Variants in OSBP2 observed in about 807,000 individuals in gnomAD.
OSBP2 encodes oxysterol binding protein 2, also known as oxysterol-binding protein 2.
OSBP2 carries 66 observed loss-of-function variants against 96.0 expected under a neutral mutation model. The ratio of observed to expected loss-of-function variants is 0.69; its 90% CI spans 0.56 to 0.84. OSBP2 has a LOEUF of 0.84. Among genes scored for constraint, OSBP2 ranks in the 40% least tolerant of loss-of-function variants. The probability of loss-of-function intolerance (pLI) is 0.00; values close to 1 mark genes in which losing one functional copy is unlikely to be tolerated. For synonymous variants in OSBP2, 525 were observed against 520.9 expected, an observed-to-expected ratio of 1.01 and a Z score of -0.11; for missense variants, 1,038 against 1,222.7, an observed-to-expected ratio of 0.85 and a Z score of 2.25.
At chr22:30,697,523 C>T (rs541053252) in intron 1 of OSBP2, among the ~76,000 whole-genome samples, 2 of 152,292 alleles carry the variant, frequency 1.3e-5, no homozygotes, top group East Asian at 1.9e-4. Context: ...ATGATCTGCC[C>T]GTCTCAGCCT....
Position 30,893,531 on chromosome 22 carries a change from C to A in OSBP2, c.2059C>A (p.His687Asn). ...YVWRKSTSTV[H>N]NIIVGKLWID... ...GTGGAGGAAGAGCACCTCAACTGTTCACAACATCATCGTGGGCAAGCTCTG... is the reference window on the plus strand; with the variant it reads ...GTGGAGGAAGAGCACCTCAACTGTTAACAACATCATCGTGGGCAAGCTCTG... The change falls in exon 10 of 14, where the codon CAC becomes AAC. Residue 687 changes from histidine (H) to asparagine (N), a missense_variant. His to Asn is a moderately conservative substitution (Grantham distance 68). This residue lies in a region of OSBP2 where 737 missense variants were observed against 913.3 expected (regional missense o/e 0.81). Transcript: ENST00000332585. 1 of 1,614,178 alleles carries A rather than the reference C, an allele frequency of 6.2e-7. No individual in the cohort carries two copies.
At chr22:30,735,410 C>CTTTTTTTTTTT (rs774749546) in intron 1 of OSBP2, among the ~76,000 whole-genome samples, 8 of 100,602 alleles carry the variant, frequency 8.0e-5, no homozygotes, top group African/African-American at 1.2e-4. Flanking sequence ...TCTTCTCTCT[C>CTTTTTTTTTTT]TTTTTTTTTT....
At chr22:30,873,327 G>A (rs1416407007) in intron 3 of OSBP2, among the ~76,000 whole-genome samples, 4 of 152,104 alleles carry the variant, frequency 2.6e-5, no homozygotes, top group Admixed American at 6.5e-5. Context: ...GCCAGGATGC[G>A]GGGCAGCCTC....
At chr22:30,893,056 G>A in intron 8 of OSBP2, 66 bp from the exon 9 acceptor site, 1 of 1,592,016 alleles carries the variant, frequency 6.3e-7, no homozygotes. Context: ...GTCCCTCCCT[G>A]GCTGGGGCAA....
intron 1 of OSBP2, among the ~76,000 whole-genome samples, chr22:30,700,319 C>T (rs1013453868): frequency 6.6e-6 from 1 of 151,798 alleles, no homozygotes; most frequent in Admixed American, 6.6e-5. Context: ...TGTTTATTTG[C>T]ATACTAACAA....
intron 2 of OSBP2, among the ~76,000 whole-genome samples, chr22:30,825,703 C>T (rs2038386999): frequency 6.6e-6 from 1 of 152,152 alleles, no homozygotes; most frequent in South Asian, 2.1e-4. Flanking sequence ...ACGTGTGAAC[C>T]CCATGCCCTG....
At chr22:30,758,021 C>G (rs1057466884) in intron 2 of OSBP2, among the ~76,000 whole-genome samples, 4 of 152,196 alleles carry the variant, frequency 2.6e-5, no homozygotes, top group South Asian at 2.1e-4. Context: ...AGAGTCTGGA[C>G]AGCAAGAGTG....
At chr22:30,858,428 G>A (rs1249237493) in intron 2 of OSBP2, among the ~76,000 whole-genome samples, 1 of 150,902 alleles carries the variant, frequency 6.6e-6, no homozygotes, top group Admixed American at 6.6e-5. Flanking sequence ...TTACAGGTGT[G>A]AGCCACCGCG....
At chr22:30,728,202 C>G (rs1311541285) in intron 1 of OSBP2, among the ~76,000 whole-genome samples, 1 of 151,994 alleles carries the variant, frequency 6.6e-6, no homozygotes, top group Non-Finnish European at 1.5e-5. Context: ...AGAGACCATC[C>G]TGGCTAACAC....
chr22:30,895,767 C>T (rs935328713), intron 12 of OSBP2, among the ~76,000 whole-genome samples: 6 of 151,944 alleles, frequency 3.9e-5, no homozygotes, highest in Non-Finnish European at 7.4e-5. Flanking sequence ...GGAGAAACCC[C>T]GTCTCTACTA....
At chr22:30,893,079 C>T in intron 8 of OSBP2, 43 bp from the exon 9 acceptor site, 1 of 1,607,192 alleles carries the variant, frequency 6.2e-7, no homozygotes, top group Non-Finnish European at 8.5e-7. Context: ...GGAACCTGGG[C>T]TCATGTCTGG....
At chr22:30,889,261 C>G in intron 6 of OSBP2, 27 bp downstream of exon 6, 2 of 1,604,882 alleles carry the variant, frequency 1.2e-6, no homozygotes, top group South Asian at 2.2e-5. Context: ...ACTGTAAGGG[C>G]CAGAAGGCAG....
chr22:30,858,891 T>TAA (rs1489915192), intron 2 of OSBP2, among the ~76,000 whole-genome samples: 1 of 149,004 alleles, frequency 6.7e-6, no homozygotes. Flanking sequence ...ATAATAATAA[T>TAA]AATAATAATA....
chr22:30,709,805 G>T (rs555278974), intron 1 of OSBP2, among the ~76,000 whole-genome samples: 1 of 151,962 alleles, frequency 6.6e-6, no homozygotes, highest in South Asian at 2.1e-4. Flanking sequence ...CAAAGTGCTG[G>T]TATTACAGAT....
chr22:30,735,577 C>T (rs2089840136), intron 1 of OSBP2, among the ~76,000 whole-genome samples: 2 of 152,158 alleles, frequency 1.3e-5, no homozygotes, highest in East Asian at 1.9e-4. Flanking sequence ...TCCCAAAGTG[C>T]TGGAATTACA....
intron 2 of OSBP2, among the ~76,000 whole-genome samples, chr22:30,763,176 C>CA (rs1378229399): frequency 6.6e-6 from 1 of 152,226 alleles, no homozygotes; most frequent in East Asian, 1.9e-4. Context: ...GCTTGGCAAA[C>CA]ACTCGACTAA....
At chr22:30,812,312 C>T (rs554691415) in intron 2 of OSBP2, among the ~76,000 whole-genome samples, 8 of 152,192 alleles carry the variant, frequency 5.3e-5, no homozygotes, top group South Asian at 2.1e-4. Context: ...ACTACAGGCG[C>T]GCACCACCAT....
chr22:30,876,309 C>T (rs1224770441), intron 3 of OSBP2, among the ~76,000 whole-genome samples: 2 of 152,228 alleles, frequency 1.3e-5, no homozygotes, highest in Admixed American at 6.5e-5. Context: ...ACCCAGTTAT[C>T]CTTCCTGGGC....
At chr22:30,892,752 T>A (rs1171953184) in intron 8 of OSBP2, among the ~76,000 whole-genome samples, 15 of 152,082 alleles carry the variant, frequency 9.9e-5, no homozygotes, top group Admixed American at 9.8e-4. Flanking sequence ...CAGACACACC[T>A]GGTGTGTGGG....
Sources: gnomAD v4.1 joint callset for allele counts (sites outside exome capture counted in the v4.1 genomes callset) on GRCh38, gnomAD v4.1.1 for gene constraint, gnomAD v4.1.1 regional missense constraint, MANE v1.5 for transcripts, NCBI Gene and HGNC (gene_info 2026-07-23, HGNC 2026-07-21) for gene names.